The following CNTNAP2 variants were observed in gnomAD, a reference collection of about 807,000 sequenced individuals.
The protein encoded by CNTNAP2 is contactin-associated protein-like 2.
Under a neutral mutation model 155.2 loss-of-function variants are expected in CNTNAP2, and 98 were observed. The ratio of observed to expected loss-of-function variants is 0.63; its 90% CI spans 0.54 to 0.75. The LOEUF (loss-of-function observed/expected upper bound fraction) is 0.75, where lower values mean the gene tolerates loss of function less well. CNTNAP2 is among the 30% of genes least tolerant of loss of function. The pLI is 0.00. For missense variants in CNTNAP2, 1,727 were observed against 1,688.1 expected (o/e 1.02, Z -0.40); for synonymous variants, 651 against 631.2 (o/e 1.03, Z -0.47).
chr7:146,281,344 G>C (rs1330252117), intron 1 of CNTNAP2, among the ~76,000 whole-genome samples: 2 of 152,116 alleles, frequency 1.3e-5, no homozygotes, highest in African/African-American at 4.8e-5. Context: ...AGAATTTTAA[G>C]CATCGGCAAG....
chr7:147,327,443 C>A (rs547546290), intron 9 of CNTNAP2, among the ~76,000 whole-genome samples: 1 of 152,238 alleles, frequency 6.6e-6, no homozygotes, highest in East Asian at 1.9e-4. Flanking sequence ...TTCTTAATTA[C>A]TGAAAAGTAA....
intron 21 of CNTNAP2, among the ~76,000 whole-genome samples, chr7:148,360,993 G>A (rs1191542142): frequency 1.3e-5 from 2 of 151,962 alleles, no homozygotes; most frequent in African/African-American, 2.4e-5. Flanking sequence ...ATTTTTAGTA[G>A]AGACGGGGTT....
At chr7:147,043,405 C>G (rs572550790) in intron 3 of CNTNAP2, among the ~76,000 whole-genome samples, 1 of 152,260 alleles carries the variant, frequency 6.6e-6, no homozygotes, top group African/African-American at 2.4e-5. Flanking sequence ...AACAAATTCT[C>G]TAAATGTGTC....
intron 1 of CNTNAP2, among the ~76,000 whole-genome samples, chr7:146,163,531 ATATATC>A (rs1476497867): frequency 3.4e-5 from 5 of 146,310 alleles, no homozygotes; most frequent in African/African-American, 1.0e-4. Flanking sequence ...ATATATCTAT[ATATATC>A]TATATCTATA....
At chr7:146,171,796 A>AT (rs1798395440) in intron 1 of CNTNAP2, among the ~76,000 whole-genome samples, 1 of 152,132 alleles carries the variant, frequency 6.6e-6, no homozygotes, top group African/African-American at 2.4e-5. Flanking sequence ...AACATCATAT[A>AT]TTTTTGAATG....
chr7:146,495,646 C>A (rs1212453508), intron 1 of CNTNAP2, among the ~76,000 whole-genome samples: 1 of 149,564 alleles, frequency 6.7e-6, no homozygotes, highest in Non-Finnish European at 1.5e-5. Context: ...ACGAGAATAG[C>A]ATAGGGATAA....
intron 1 of CNTNAP2, among the ~76,000 whole-genome samples, chr7:146,446,093 T>C (rs1229286500): frequency 6.6e-6 from 1 of 152,164 alleles, no homozygotes; most frequent in South Asian, 2.1e-4. Context: ...TGGTCTTACA[T>C]GTAAATTGAG....
intron 13 of CNTNAP2, among the ~76,000 whole-genome samples, chr7:147,708,906 AC>A (rs963641800): frequency 6.6e-6 from 1 of 151,956 alleles, no homozygotes; most frequent in African/African-American, 2.4e-5. Flanking sequence ...CCACCTTGCA[AC>A]CCCTCTGCCA....
intron 13 of CNTNAP2, among the ~76,000 whole-genome samples, chr7:147,740,047 G>A (rs902913484): frequency 7.9e-5 from 12 of 152,080 alleles, no homozygotes; most frequent in African/African-American, 2.4e-4. Flanking sequence ...GAGCTGAGGG[G>A]GCTGTGGGAA....
chr7:148,286,632 C>T (rs12536647), intron 21 of CNTNAP2, among the ~76,000 whole-genome samples: 12,133 of 151,998 alleles, frequency 0.08, 799 homozygotes, highest in African/African-American at 0.18. Flanking sequence ...TTAACTATTA[C>T]GGTTATTTTA....
chr7:148,059,604 AAAAG>A (rs1192187960), intron 15 of CNTNAP2, among the ~76,000 whole-genome samples: 23 of 150,102 alleles, frequency 1.5e-4, no homozygotes, highest in African/African-American at 4.6e-4. Context: ...AAAAAAAAAA[AAAAG>A]AAAGAAAGAA....
Position 148,217,540 on chromosome 7 carries a change from C to T in CNTNAP2, c.3247+16C>T, listed in dbSNP as rs370512570. On this transcript the variant is annotated intron_variant, in intron 19 of 23. Transcript: ENST00000361727. ...AAACCCACTGGTAAGGACAAGGATA[C>T]CCAGCCTCTGCCATTTAACATTTGG... The T allele has an allele frequency of 2.7e-4, 431 of 1,608,368 alleles. 2 individuals are homozygous for T. The African/African-American group carries it at 4.9e-3, about 18-fold the overall frequency.
chr7:147,664,756 G>T (rs1228621869), intron 13 of CNTNAP2, among the ~76,000 whole-genome samples: 1 of 152,038 alleles, frequency 6.6e-6, no homozygotes, highest in African/African-American at 2.4e-5. Flanking sequence ...TCATGGTCTG[G>T]CCCTGCCTGT....
intron 15 of CNTNAP2, among the ~76,000 whole-genome samples, chr7:148,001,011 T>G (rs946281502): frequency 4.6e-5 from 7 of 152,212 alleles, no homozygotes; most frequent in Non-Finnish European, 7.3e-5. Context: ...GATTTCATTG[T>G]GTGTTCAAGT....
chr7:146,645,673 C>T (rs192298542), intron 1 of CNTNAP2, among the ~76,000 whole-genome samples: 1 of 152,216 alleles, frequency 6.6e-6, no homozygotes, highest in East Asian at 1.9e-4. Context: ...ATATAGGTGA[C>T]CCATTGAAAC....
At chr7:146,674,885 T>C (rs1308339722) in intron 1 of CNTNAP2, among the ~76,000 whole-genome samples, 1 of 152,196 alleles carries the variant, frequency 6.6e-6, no homozygotes, top group Non-Finnish European at 1.5e-5. Context: ...TTCTCCCTGA[T>C]ATAAGAAAGT....
At chr7:147,585,116 T>A (rs1298638037) in intron 12 of CNTNAP2, among the ~76,000 whole-genome samples, 1 of 152,144 alleles carries the variant, frequency 6.6e-6, no homozygotes, top group African/African-American at 2.4e-5. Flanking sequence ...TCCCATAAAT[T>A]GAATTCCCGT....
chr7:146,160,510 T>C (rs141803720), intron 1 of CNTNAP2, among the ~76,000 whole-genome samples: 2,300 of 152,244 alleles, frequency 0.015, 51 homozygotes, highest in African/African-American at 0.052. Context: ...CAATAAAAAA[T>C]GATAATGGGG....
chr7:147,751,556 G>A (rs943747989), intron 13 of CNTNAP2, among the ~76,000 whole-genome samples: 2 of 152,190 alleles, frequency 1.3e-5, no homozygotes, highest in African/African-American at 4.8e-5. Flanking sequence ...TGAATCATGA[G>A]AGGCAATCAT....
Sources: gnomAD v4.1 joint callset for allele counts (sites outside exome capture counted in the v4.1 genomes callset) on GRCh38, gnomAD v4.1.1 for gene constraint, MANE v1.5 for transcripts, NCBI Gene and HGNC (gene_info 2026-07-23, HGNC 2026-07-21) for gene names.